DSC1: variants seen among roughly 807,000 people sequenced by gnomAD.
DSC1 encodes desmocollin 1, also known as desmocollin-1.
In DSC1, 79 loss-of-function variants were observed where a neutral mutation model predicts 98.8. The observed-to-expected ratio is 0.80, with a 90% confidence interval of 0.67 to 0.96. The LOEUF (loss-of-function observed/expected upper bound fraction) is 0.96, where lower values mean the gene tolerates loss of function less well. Among genes scored for constraint, DSC1 ranks in the 50% least tolerant of loss-of-function variants. The pLI is 0.00. For synonymous variants in DSC1, 405 were observed against 372.1 expected, an observed-to-expected ratio of 1.09 and a Z score of -1.02; for missense variants, 1,115 against 1,075.9, an observed-to-expected ratio of 1.04 and a Z score of -0.51.
intron 8 of DSC1, 151 bp from the exon 9 acceptor site, chr18:31,142,335 G>T: frequency 1.3e-6 from 1 of 788,754 alleles, no homozygotes; most frequent in Non-Finnish European, 1.9e-6. Context: ...TTAATGCGTA[G>T]CTTAGTTCTT....
Position 31,162,712 on chromosome 18 carries a change from G to T in DSC1, c.-118C>A. On this transcript the variant is annotated 5_prime_UTR_variant, in exon 1 of 16. In the 5' UTR this introduces an upstream ATG that the reference lacks. Transcript: ENST00000257198. ...GGTATTCTGCTGCCACCTTGATGCA[G>T]CTGAGCTTGGTTTGGAAGACAGTCC... 1.2e-6 allele frequency: 1 copy of T among 836,172 alleles called. No individual in the cohort carries two copies. Among genetic ancestry groups the T allele is most frequent in the Non-Finnish European group, 2.0e-6 (1 of 507,688 alleles). The allele number at this position is 836,172 out of a possible 1,614,324, so 51.8% of individuals were successfully genotyped here. A position where few individuals can be genotyped will look rare whatever the true frequency, so the allele number is the denominator to read the frequency against.
chr18:31,156,513 A>G (rs779873086), intron 3 of DSC1, among the ~76,000 whole-genome samples: 1 of 152,210 alleles, frequency 6.6e-6, no homozygotes, highest in Non-Finnish European at 1.5e-5. Flanking sequence ...AATCTGTTAA[A>G]ACCCTCACTC....
At chr18:31,144,283 A>G (rs1988796701) in intron 7 of DSC1, among the ~76,000 whole-genome samples, 1 of 152,186 alleles carries the variant, frequency 6.6e-6, no homozygotes, top group Non-Finnish European at 1.5e-5. Context: ...GATTGGTACA[A>G]TGGAAAGGTG....
rs1344325343 is a variant in DSC1, at chr18:31,130,051, C to A, written c.*463G>T. 2 of 158,544 alleles carry A rather than the reference C, an allele frequency of 1.3e-5. No individual in the cohort carries two copies. Among genetic ancestry groups the A allele is most frequent in the African/African-American group, 4.8e-5 (2 of 41,482 alleles). The allele number at this position is 158,544 out of a possible 1,614,324, so 9.8% of individuals were successfully genotyped here. On this transcript the variant is annotated 3_prime_UTR_variant, in exon 16 of 16. Coordinates refer to ENST00000257198, the MANE Select transcript of DSC1 (RefSeq NM_024421.2). ...AGAATACTTAAAAGTCCTTTTTAAA[C>A]CACTCAGGTGGAGAGAATGCAATTA...
chr18:31,131,781 C>T lies in DSC1; in HGVS notation c.2300G>A (p.Gly767Asp), dbSNP rs781031026. ...TTTGATTCCCTGGCCACCAACAGTACCAACAGACATGCTTGTGTCACAAAT... is the reference window on the plus strand; with the variant it reads ...TTTGATTCCCTGGCCACCAACAGTATCAACAGACATGCTTGTGTCACAAAT... ...SNICDTSMSV[G>D]TVGGQGIKTQ... Residue 767 changes from glycine to aspartate, a missense_variant, in exon 15 of 16, where the codon GGT becomes GAT. Coordinates refer to ENST00000257198, the MANE Select transcript of DSC1 (RefSeq NM_024421.2). 5.0e-6 allele frequency: 8 copies of T among 1,614,074 alleles called. No homozygotes were observed. The highest frequency in any genetic ancestry group is 6.8e-6 in the Non-Finnish European group (8 of 1,179,966).
rs919358219 is a variant in DSC1 at position 31,129,433 on chromosome 18, C to T, written c.*1081G>A. On this transcript the variant is annotated 3_prime_UTR_variant, in exon 16 of 16. Transcript: ENST00000257198. Reference sequence around the variant, plus strand: ...TATTTTTAGTAGAGTGGGGGTTTCTCATATACATTCTAGTCCCTAATTCTG... The same window carrying T: ...TATTTTTAGTAGAGTGGGGGTTTCTTATATACATTCTAGTCCCTAATTCTG... The T allele has an allele frequency of 1.3e-5, 2 of 152,032 alleles. No individual in the cohort carries two copies. The highest frequency in any genetic ancestry group is 2.1e-4 in the South Asian group (1 of 4,818). The allele number at this position is 152,032 out of a possible 1,614,324, so 9.4% of individuals were successfully genotyped here. A position where few individuals can be genotyped will look rare whatever the true frequency, so the allele number is the denominator to read the frequency against.
Position 31,145,755 on chromosome 18 carries a change from G to A in DSC1, c.795C>T (p.Thr265=), listed in dbSNP as rs777301780. The change falls in exon 7 of 16, where the codon ACC becomes ACT. Residue 265 remains threonine (T), a synonymous_variant. Coordinates refer to ENST00000257198, the MANE Select transcript of DSC1 (RefSeq NM_024421.2). ...TGTCAGGTTCGTCAAGGTCTGTGGC[G>A]GTCACTTTTCCCACTGAAGTTCCTG... is the stretch of plus-strand genomic sequence containing the variant. ...CRSGTSVGKV[T]ATDLDEPDTL... is the part of the protein sequence containing the mutation. 10 of 1,612,452 alleles carry A rather than the reference G, an allele frequency of 6.2e-6. No individual in the cohort carries two copies. The highest frequency in any genetic ancestry group is 2.7e-5 in the African/African-American group (2 of 74,780).
intron 11 of DSC1, among the ~76,000 whole-genome samples, chr18:31,137,045 A>G (rs552731311): frequency 2.0e-5 from 3 of 152,314 alleles, no homozygotes; most frequent in East Asian, 3.9e-4. Flanking sequence ...TTAACTAAAA[A>G]TCTTCATAAT....
intron 5 of DSC1, 92 bp from the exon 6 acceptor site, chr18:31,148,734 A>AG: frequency 1.6e-6 from 2 of 1,285,476 alleles, no homozygotes; most frequent in Non-Finnish European, 2.1e-6. Context: ...TAACATTAAA[A>AG]AAAAAAATCA....
rs1030492673 is a variant in DSC1, at chr18:31,134,251, T to G, written c.1877-121A>C. The stretch of plus-strand genomic sequence containing the variant: ...ATAAAAACTCGAATTTTTCTTTTTT[T>G]TTTTGAATTTGTGATTTCCCAGAAG... On this transcript the variant is annotated intron_variant, in intron 12 of 15. Transcript: ENST00000257198. The G allele has an allele frequency of 1.0e-5, 14 of 1,342,860 alleles. No homozygotes were observed. The Admixed American group carries it at 1.5e-4, about 14-fold the overall frequency. The allele number at this position is 1,342,860 out of a possible 1,614,324, so 83.2% of individuals were successfully genotyped here.
rs1257269754 is a variant in DSC1 at position 31,142,199 on chromosome 18, C to G, written c.1075-15G>C. ...TCTGTAACATACTGAAAGAATTGCC[C>G]CTTATTATTATCAATTTACAACTTT... On this transcript the variant is annotated splice_polypyrimidine_tract_variant and intron_variant, in intron 8 of 15. Coordinates refer to ENST00000257198, the MANE Select transcript of DSC1 (RefSeq NM_024421.2). 6.3e-7 allele frequency: 1 copy of G among 1,592,288 alleles called. No individual in the cohort carries two copies. Among genetic ancestry groups the G allele is most frequent in the Non-Finnish European group, 8.5e-7 (1 of 1,174,806 alleles).
Position 31,131,770 on chromosome 18 carries a change from C to T in DSC1, c.2311G>A (p.Gly771Ser), listed in dbSNP as rs771007337. Residue 771 changes from glycine (G) to serine (S), a missense_variant, in exon 15 of 16, where the codon GGC (glycine) becomes AGC (serine). Coordinates refer to ENST00000257198, the MANE Select transcript of DSC1 (RefSeq NM_024421.2). ...DTSMSVGTVGGQGIKTQQSFE... is the reference protein window; with the variant it reads ...DTSMSVGTVGSQGIKTQQSFE... ...CTTTGCTGTGTTTTGATTCCCTGGCCACCAACAGTACCAACAGACATGCTT... is the reference window on the plus strand; with the variant it reads ...CTTTGCTGTGTTTTGATTCCCTGGCTACCAACAGTACCAACAGACATGCTT... 1 of 1,614,006 alleles carries T rather than the reference C, an allele frequency of 6.2e-7. No homozygotes were observed. Among genetic ancestry groups the T allele is most frequent in the African/African-American group, 1.3e-5 (1 of 74,924 alleles).
rs373695262 is a variant in DSC1, at chr18:31,151,030, A to G, written c.628-2388T>C. On this transcript the variant is annotated intron_variant, in intron 5 of 15. Coordinates refer to ENST00000257198, the MANE Select transcript of DSC1 (RefSeq NM_024421.2). Reference sequence around the variant, plus strand: ...CTCTTGTAATGAATTTTTCTACCTCATTAAAATGGTATTAACAAGTCTCCT... The same window carrying G: ...CTCTTGTAATGAATTTTTCTACCTCGTTAAAATGGTATTAACAAGTCTCCT... The G allele has an allele frequency of 1.2e-4, 18 of 152,322 alleles. No individual in the cohort carries two copies. The East Asian group carries it at 1.7e-3, about 15-fold the overall frequency. The allele number at this position is 152,322 out of a possible 1,614,324, so 9.4% of individuals were successfully genotyped here.
Position 31,148,674 on chromosome 18 carries a change from C to T in DSC1, c.628-32G>A, listed in dbSNP as rs768662910. On this transcript the variant is annotated intron_variant, in intron 5 of 15. Coordinates refer to ENST00000257198, the MANE Select transcript of DSC1 (RefSeq NM_024421.2). ...GAAGGGAAAATACCATCAATGTATT[C>T]TCAAACCACAAATTATGCACAAAAG... is the stretch of plus-strand genomic sequence containing the variant. The T allele has an allele frequency of 3.3e-6, 5 of 1,511,054 alleles. No individual in the cohort carries two copies. The Admixed American group carries it at 9.1e-5, about 28-fold the overall frequency. The allele number at this position is 1,511,054 out of a possible 1,614,324, so 93.6% of individuals were successfully genotyped here. A position where few individuals can be genotyped will look rare whatever the true frequency, so the allele number is the denominator to read the frequency against.
intron 5 of DSC1, 87 bp downstream of exon 5, chr18:31,154,687 C>T: frequency 1.7e-6 from 2 of 1,161,932 alleles, no homozygotes; most frequent in Admixed American, 3.2e-5. Context: ...ATAATTGATT[C>T]TTATAATATG....
intron 5 of DSC1, among the ~76,000 whole-genome samples, chr18:31,151,335 C>G (rs1289318635): frequency 6.6e-6 from 1 of 152,114 alleles, no homozygotes; most frequent in Non-Finnish European, 1.5e-5. Context: ...AAAACAGAGC[C>G]TAACTCTCTA....
rs1432527895 is a variant in DSC1, at chr18:31,162,737, C to G, written c.-143G>C. ...GCTGAGCTTGGTTTGGAAGACAGTC[C>G]GGAGGCAAGTGATAAACAGTAGGAG... On this transcript the variant is annotated 5_prime_UTR_variant, in exon 1 of 16. Coordinates refer to ENST00000257198, the MANE Select transcript of DSC1 (RefSeq NM_024421.2). 6.0e-6 allele frequency: 4 copies of G among 669,650 alleles called. No homozygotes were observed. The highest frequency in any genetic ancestry group is 1.1e-5 in the Non-Finnish European group (4 of 378,118). The allele number at this position is 669,650 out of a possible 1,614,324, so 41.5% of individuals were successfully genotyped here.
At chr18:31,131,503 G>A in intron 15 of DSC1, 91 bp downstream of exon 15, 7 of 1,489,824 alleles carry the variant, frequency 4.7e-6, no homozygotes, top group Non-Finnish European at 6.4e-6. Context: ...TTGAATTCCA[G>A]GTATATGAGG....
chr18:31,150,195 T>TCAC (rs1451304488), intron 5 of DSC1, among the ~76,000 whole-genome samples: 1 of 123,036 alleles, frequency 8.1e-6, no homozygotes, highest in Non-Finnish European at 1.7e-5. Flanking sequence ...ACCACCATCA[T>TCAC]CATCACCACC....
Sources: allele counts gnomAD v4.1 joint callset (sites outside exome capture counted in the v4.1 genomes callset), GRCh38; gene constraint gnomAD v4.1.1; transcripts MANE v1.5; gene names NCBI Gene and HGNC (gene_info 2026-07-23, HGNC 2026-07-21).